The following LINC00237 variants were observed in gnomAD, a reference collection of about 807,000 sequenced individuals.
LINC00237 encodes the protein long intergenic non-protein coding RNA 237.
exon 2 of LINC00237, chr20:21,093,584 A>G (rs1306875427): frequency 1.3e-5 from 2 of 152,254 alleles, no homozygotes; most frequent in African/African-American, 4.8e-5. Context: ...AGGGATATCC[A>G]TGTACTGACT....
intron 1 of LINC00237, among the ~76,000 whole-genome samples, chr20:21,103,683 GT>G (rs1232303861): frequency 6.6e-6 from 1 of 152,178 alleles, no homozygotes; most frequent in Non-Finnish European, 1.5e-5. Context: ...GGCCTAAATG[GT>G]GTTCGGCAGC....
intron 3 of LINC00237, among the ~76,000 whole-genome samples, chr20:21,086,429 C>A (rs2030693670): frequency 6.6e-6 from 1 of 150,934 alleles, no homozygotes; most frequent in Non-Finnish European, 1.5e-5. Flanking sequence ...GCATACCTTT[C>A]CAGACTATTA....
At chr20:21,094,120 C>T (rs1379468221) in intron 1 of LINC00237, among the ~76,000 whole-genome samples, 1 of 152,178 alleles carries the variant, frequency 6.6e-6, no homozygotes, top group Admixed American at 6.5e-5. Context: ...ATCACCTAAG[C>T]CTCACTTATG....
chr20:21,100,356 G>C (rs1007511519), intron 1 of LINC00237, among the ~76,000 whole-genome samples: 1 of 152,218 alleles, frequency 6.6e-6, no homozygotes, highest in Non-Finnish European at 1.5e-5. Flanking sequence ...GCTTGTAGAC[G>C]GACGCGGGCC....
At chr20:21,085,997 G>A (rs549752083) in intron 3 of LINC00237, among the ~76,000 whole-genome samples, 1 of 152,310 alleles carries the variant, frequency 6.6e-6, no homozygotes, top group African/African-American at 2.4e-5. Flanking sequence ...GATTAGCCCT[G>A]GTGGAAGCTG....
chr20:21,091,784 T>C (rs756142721), intron 2 of LINC00237, among the ~76,000 whole-genome samples: 4 of 152,218 alleles, frequency 2.6e-5, no homozygotes, highest in Non-Finnish European at 5.9e-5. Context: ...CTTGGAAGCA[T>C]ATATCCTTGG....
chr20:21,094,348 A>G (rs887798179), intron 1 of LINC00237, among the ~76,000 whole-genome samples: 1 of 152,178 alleles, frequency 6.6e-6, no homozygotes, highest in African/African-American at 2.4e-5. Flanking sequence ...GTGTTCTTGG[A>G]GCTCTAACTT....
chr20:21,087,983 G>C (rs6137256), exon 3 of LINC00237: 1 of 152,160 alleles, frequency 6.6e-6, no homozygotes, highest in African/African-American at 2.4e-5. Flanking sequence ...CAAACTTTAA[G>C]GGGAGCAGCA....
chr20:21,087,548 C>G (rs2030730917), intron 3 of LINC00237: 2 of 152,134 alleles, frequency 1.3e-5, no homozygotes, highest in African/African-American at 4.8e-5. Flanking sequence ...TCAATGGTAG[C>G]TTATGAAAGT....
chr20:21,104,622 C>A (rs1330708958), intron 1 of LINC00237, among the ~76,000 whole-genome samples: 1 of 152,228 alleles, frequency 6.6e-6, no homozygotes, highest in Non-Finnish European at 1.5e-5. Context: ...CTGCCCCCCA[C>A]CCTCCAACCC....
intron 1 of LINC00237, among the ~76,000 whole-genome samples, chr20:21,099,603 C>A (rs551285680): frequency 6.6e-6 from 1 of 152,340 alleles, no homozygotes; most frequent in Non-Finnish European, 1.5e-5. Flanking sequence ...CATATTTCTT[C>A]ATCTTGGGGT....
At position 21,101,512 on chromosome 20, in the gene LINC00237, T is replaced by A. The variant is rs1320409415; in HGVS notation, n.88+4759A>T. 6.6e-6 allele frequency: 1 copy of A among 152,288 alleles called. No homozygotes were observed. The highest frequency in any genetic ancestry group is 2.4e-5 in the African/African-American group (1 of 41,450). 9.4% of individuals were successfully genotyped at this position (152,288 alleles called of 1,614,324 possible). On this transcript the variant is annotated intron_variant and non_coding_transcript_variant, in intron 1 of 3. Transcript: ENST00000691244. This position sits in a 1 kb window ranked among gnomAD's most constrained non-coding sequence, Gnocchi z 4.3. ...GTGCGGGGGAAAGGCCCACCCACGC[T>A]GTCCCTGGAGTCCCCTCCAGTGTCC...
At chr20:21,104,514 G>A (rs989407977) in intron 1 of LINC00237, among the ~76,000 whole-genome samples, 1 of 152,244 alleles carries the variant, frequency 6.6e-6, no homozygotes, top group African/African-American at 2.4e-5. Flanking sequence ...CAGGGCCTTT[G>A]GGCCAGGACA....
At chr20:21,091,538 A>G (rs1600310854) in intron 2 of LINC00237, among the ~76,000 whole-genome samples, 2 of 151,714 alleles carry the variant, frequency 1.3e-5, no homozygotes, top group South Asian at 2.1e-4. Context: ...TTTCCCTCCA[A>G]TGGTGACTAC....
At chr20:21,095,265 G>A (rs906137331) in intron 1 of LINC00237, among the ~76,000 whole-genome samples, 12 of 152,130 alleles carry the variant, frequency 7.9e-5, no homozygotes, top group African/African-American at 2.9e-4. Context: ...CTAGGGTACA[G>A]AATGATTAGA....
chr20:21,104,862 C>T (rs1432020637), intron 1 of LINC00237, among the ~76,000 whole-genome samples: 1 of 152,176 alleles, frequency 6.6e-6, no homozygotes, highest in African/African-American at 2.4e-5. Context: ...CGCGTACACA[C>T]ACACTCATAT....
intron 1 of LINC00237, among the ~76,000 whole-genome samples, chr20:21,100,142 G>A (rs2030910630): frequency 1.3e-5 from 2 of 152,088 alleles, no homozygotes; most frequent in African/African-American, 4.8e-5. Context: ...CAATAAGCAG[G>A]CGGTAGTAGC....
chr20:21,085,587 T>C (rs1358416048), exon 4 of LINC00237, among the ~76,000 whole-genome samples: 2 of 152,184 alleles, frequency 1.3e-5, no homozygotes, highest in Non-Finnish European at 2.9e-5. Flanking sequence ...ACATGTTGTA[T>C]GATTTAATAT....
At chr20:21,086,486 T>A (rs1297828718) in intron 3 of LINC00237, among the ~76,000 whole-genome samples, 2 of 148,914 alleles carry the variant, frequency 1.3e-5, no homozygotes, top group Non-Finnish European at 3.0e-5. Context: ...TAGATATGTA[T>A]CTATATATAT....
Sources: allele counts gnomAD v4.1 joint callset (sites outside exome capture counted in the v4.1 genomes callset), GRCh38; gene constraint gnomAD v4.1.1; non-coding constraint Gnocchi (gnomAD v3.1); transcripts MANE v1.5; gene names NCBI Gene and HGNC (gene_info 2026-07-23, HGNC 2026-07-21).